BST1: variants seen among roughly 807,000 people sequenced by gnomAD.
BST1 encodes ADP-ribosyl cyclase/cyclic ADP-ribose hydrolase 2.
In BST1, 49 loss-of-function variants were observed where a neutral mutation model predicts 40.6. That is an observed-to-expected ratio of 1.21 (90% CI 0.96 to 1.53). BST1 has a LOEUF of 1.53. Ranked by LOEUF, BST1 falls within the 40% of genes most tolerant of loss-of-function variation. BST1 has a pLI of 0.00. For missense variants in BST1, 423 were observed against 395.9 expected (o/e 1.07, Z -0.58); for synonymous variants, 157 against 159.3 (o/e 0.99, Z 0.11).
chr4:15,709,138 T>C (rs1446655322), intron 3 of BST1, among the ~76,000 whole-genome samples: 1 of 152,010 alleles, frequency 6.6e-6, no homozygotes, highest in African/African-American at 2.4e-5. Context: ...AAACAGGTAA[T>C]AAGGACAAAA....
the BST1 span, among the ~76,000 whole-genome samples, chr4:15,772,112 A>G: frequency 1.3e-5 from 2 of 152,114 alleles, no homozygotes; most frequent in African/African-American, 4.8e-5. Flanking sequence ...TAGCCCTTTG[A>G]TCTATTTGAC....
chr4:15,707,851 C>CTCTCTT (rs1719970230), intron 3 of BST1, among the ~76,000 whole-genome samples: 1 of 110,706 alleles, frequency 9.0e-6, no homozygotes, highest in Non-Finnish European at 1.9e-5. Context: ...CTCTCTCTCT[C>CTCTCTT]TCTCTATATA....
chr4:15,705,450 G>A (rs986435753), intron 1 of BST1, 65 bp from the exon 2 acceptor site: 2 of 1,489,510 alleles, frequency 1.3e-6, no homozygotes, highest in Non-Finnish European at 1.8e-6. Flanking sequence ...TAGACAAATG[G>A]GCATACTTCA....
the BST1 span, among the ~76,000 whole-genome samples, chr4:15,756,407 C>T: frequency 4.2e-3 from 643 of 152,232 alleles, 2 homozygotes; most frequent in African/African-American, 0.014. Context: ...GATGTGCATG[C>T]CAATGGCAGG....
chr4:15,706,722 G>A (rs1337664253), intron 2 of BST1, among the ~76,000 whole-genome samples: 1 of 152,238 alleles, frequency 6.6e-6, no homozygotes, highest in Non-Finnish European at 1.5e-5. Context: ...AGTATATGCT[G>A]TCTTTTGAAC....
chr4:15,745,502 C>T, the BST1 span, among the ~76,000 whole-genome samples: 28 of 152,160 alleles, frequency 1.8e-4, no homozygotes, highest in African/African-American at 6.0e-4. Flanking sequence ...CCTTTAAAAT[C>T]ATGGTTTCTT....
chr4:15,769,249 G>A, the BST1 span, among the ~76,000 whole-genome samples: 3 of 152,254 alleles, frequency 2.0e-5, no homozygotes, highest in African/African-American at 7.2e-5. Flanking sequence ...TTGTCACTGA[G>A]TTTGAACTGT....
At chr4:15,749,643 G>A in the BST1 span, among the ~76,000 whole-genome samples, 18 of 152,276 alleles carry the variant, frequency 1.2e-4, no homozygotes, top group African/African-American at 3.9e-4. Context: ...TAGCACAGGT[G>A]TCATTCACAA....
the BST1 span, among the ~76,000 whole-genome samples, chr4:15,747,572 G>A: frequency 6.6e-6 from 1 of 152,154 alleles, no homozygotes; most frequent in Non-Finnish European, 1.5e-5. Context: ...TGGAAACATT[G>A]TCAGCGAGCT....
chr4:15,751,760 T>C, the BST1 span, among the ~76,000 whole-genome samples: 1 of 152,086 alleles, frequency 6.6e-6, no homozygotes, highest in African/African-American at 2.4e-5. Context: ...TCTATGTATA[T>C]ACATCTATGT....
At chr4:15,739,554 CGTGTGTGTGTGTGTGT>C (rs58171340), downstream of BST1, among the ~76,000 whole-genome samples, 1,857 of 144,048 alleles carry the variant, frequency 0.013, 30 homozygotes, top group African/African-American at 0.037. Flanking sequence ...GAAGCCAAAC[CGTGTGTGTGTGTGTGT>C]GTGTGTGTGT....
At chr4:15,723,258 G>A (rs1267955635) in intron 8 of BST1, among the ~76,000 whole-genome samples, 7 of 151,706 alleles carry the variant, frequency 4.6e-5, no homozygotes, top group South Asian at 4.2e-4. Flanking sequence ...TTTTTTTTGG[G>A]AGGCGGGGGG....
chr4:15,762,337 G>T, the BST1 span, among the ~76,000 whole-genome samples: 2 of 150,996 alleles, frequency 1.3e-5, no homozygotes, highest in African/African-American at 4.9e-5. Flanking sequence ...TAAGTAGAAA[G>T]GTAAGTAAAA....
intron 8 of BST1, among the ~76,000 whole-genome samples, chr4:15,725,155 A>G (rs1721033171): frequency 6.6e-6 from 1 of 152,192 alleles, no homozygotes; most frequent in Admixed American, 6.5e-5. Context: ...GTAGGTTCAT[A>G]TTCTCCCTTC....
At chr4:15,722,115 C>A (rs1720839350) in intron 7 of BST1, among the ~76,000 whole-genome samples, 1 of 152,232 alleles carries the variant, frequency 6.6e-6, no homozygotes, top group Admixed American at 6.5e-5. Flanking sequence ...CATTGGCCAT[C>A]ACCCATGTGG....
Position 15,731,756 on chromosome 4 carries a change from C to A in BST1, c.868C>A (p.Gln290Lys). 2 of 1,613,140 alleles carry A rather than the reference C, an allele frequency of 1.2e-6. No homozygotes were observed. The highest frequency in any genetic ancestry group is 1.7e-6 in the Non-Finnish European group (2 of 1,179,628). ...AATTTGCAGGGCAGCAGCCGCTACT[C>A]AAAGAAAAGCCCCAAGTCTTTATAC... Reference protein sequence around the residue: ...CALKSAAAATQRKAPSLYTEQ... With the variant: ...CALKSAAAATKRKAPSLYTEQ... Residue 290 changes from glutamine (Q) to lysine (K), a missense_variant, in exon 9 of 9, where the codon CAA becomes AAA. By Grantham distance (53) the Gln-to-Lys change is moderately conservative. Transcript: ENST00000265016.
At chr4:15,753,262 C>T in the BST1 span, among the ~76,000 whole-genome samples, 1 of 152,182 alleles carries the variant, frequency 6.6e-6, no homozygotes, top group Admixed American at 6.5e-5. Context: ...TAAGCTGTCT[C>T]TATCTCTGGG....
chr4:15,766,058 A>T, the BST1 span, among the ~76,000 whole-genome samples: 1 of 152,002 alleles, frequency 6.6e-6, no homozygotes, highest in Non-Finnish European at 1.5e-5. Context: ...ATACTCATCA[A>T]CATACAGTTG....
intron 8 of BST1, among the ~76,000 whole-genome samples, chr4:15,724,308 T>A (rs538049558): frequency 1.3e-5 from 2 of 152,370 alleles, no homozygotes; most frequent in Admixed American, 1.3e-4. Context: ...GGAAGAGAAC[T>A]AATCAGAGTG....
Sources: gnomAD v4.1 joint callset for allele counts (sites outside exome capture counted in the v4.1 genomes callset) on GRCh38, gnomAD v4.1.1 for gene constraint, MANE v1.5 for transcripts, NCBI Gene and HGNC (gene_info 2026-07-23, HGNC 2026-07-21) for gene names.